Variants in ASB8 observed in about 807,000 individuals in gnomAD.
ASB8 encodes the protein ankyrin repeat and SOCS box protein 8.
A neutral mutation model predicts 22.9 loss-of-function variants in ASB8; 15 were observed. The ratio of observed to expected loss-of-function variants is 0.66; its 90% CI spans 0.44 to 1.01. The LOEUF is 1.01. ASB8 is among the 50% of genes least tolerant of loss of function. The pLI, the probability that ASB8 is intolerant of heterozygous loss-of-function variation, is 0.00. For missense variants in ASB8, 294 were observed against 356.9 expected, an observed-to-expected ratio of 0.82 and a Z score of 1.42; for synonymous variants, 124 against 140.8, an observed-to-expected ratio of 0.88 and a Z score of 0.84.
chr12:48,151,157 C>T (rs1197948691), intron 3 of ASB8, 44 bp downstream of exon 3: 2 of 1,477,956 alleles, frequency 1.4e-6, no homozygotes, highest in Non-Finnish European at 1.9e-6. Context: ...ACATGAAGCT[C>T]AAGTTTTAGT....
At chr12:48,153,790 C>G (rs897538174) in intron 1 of ASB8, 1 of 226,034 alleles carries the variant, frequency 4.4e-6, no homozygotes, top group Non-Finnish European at 8.8e-6. Flanking sequence ...GTGTGGTTTA[C>G]AAACGACTAG....
In ASB8 at chr12:48,149,936, A is replaced by G. The variant is rs758238691; in HGVS notation, c.297T>C (p.Ala99=). The change falls in exon 4 of 4, where the codon GCT becomes GCC. Residue 99 remains alanine (A), a synonymous_variant. Coordinates refer to ENST00000317697, the MANE Select transcript of ASB8 (RefSeq NM_024095.5). ...ALHYAAEKDE[A]CVEVLLEYGA... ...CATACTCCAATAGGACCTCCACACA[A>G]GCCTCATCTTTCTCTGCTGCATAGT... 1 of 1,614,080 alleles carries G rather than the reference A, an allele frequency of 6.2e-7. No homozygotes were observed. The highest frequency in any genetic ancestry group is 1.3e-5 in the African/African-American group (1 of 75,034).
rs376414157 is a variant in ASB8 at position 48,153,396 on chromosome 12, T to C, written c.101A>G (p.His34Arg). 3.1e-6 allele frequency: 5 copies of C among 1,613,854 alleles called. No individual in the cohort carries two copies. The African/African-American group carries it at 4.0e-5, about 13-fold the overall frequency. ...TCTGATGAGGTCCTCTACATTATCATGTGGGAAGGAACGGATGGCAGCAAT... is the reference window on the plus strand; with the variant it reads ...TCTGATGAGGTCCTCTACATTATCACGTGGGAAGGAACGGATGGCAGCAAT... ...RTIAAIRSFP[H>R]DNVEDLIRGG... is the part of the protein sequence containing the mutation. The change falls in exon 2 of 4, where the codon CAT becomes CGT. Residue 34 changes from histidine (H) to arginine (R), a missense_variant. By Grantham distance (29) the His-to-Arg change is conservative. Transcript: ENST00000317697.
chr12:48,156,219 G>A lies in ASB8; in HGVS notation c.-34+1240C>T, dbSNP rs577188483. On this transcript the variant is annotated intron_variant, in intron 1 of 3. Coordinates refer to ENST00000317697, the MANE Select transcript of ASB8 (RefSeq NM_024095.5). Reference sequence around the variant, plus strand: ...GCAAGTAAAAATATTCATATGTATCGATAATTCAAATTAGGTATTTTTCTC... The same window carrying A: ...GCAAGTAAAAATATTCATATGTATCAATAATTCAAATTAGGTATTTTTCTC... Among the ~76,000 whole-genome samples the A allele has an allele frequency of 2.6e-5, 4 of 152,108 alleles. No individual in the cohort carries two copies. The South Asian group carries it at 6.2e-4, about 24-fold the overall frequency.
chr12:48,150,021 A>C (rs773583597), intron 3 of ASB8, 23 bp from the exon 4 acceptor site: 2 of 1,603,344 alleles, frequency 1.2e-6, no homozygotes, highest in Non-Finnish European at 1.7e-6. Context: ...AGGAACTATT[A>C]CAGTAGACAG....
At chr12:48,154,480 C>CA (rs11384481) in intron 1 of ASB8, among the ~76,000 whole-genome samples, 33,599 of 73,534 alleles carry the variant, frequency 0.46, 8,485 homozygotes, top group Non-Finnish European at 0.52. Context: ...GACTCTATCT[C>CA]AAAAAAAAAA....
chr12:48,151,497 A>G (rs1019633136), intron 2 of ASB8, 192 bp from the exon 3 acceptor site: 3 of 1,204,656 alleles, frequency 2.5e-6, no homozygotes, highest in African/African-American at 3.1e-5. Context: ...AAGATGAAGG[A>G]AAGGAACTGT....
chr12:48,152,964 A>G lies in ASB8; in HGVS notation c.129+404T>C, dbSNP rs572268434. The G allele has an allele frequency of 2.4e-5, 4 of 169,840 alleles. No individual in the cohort carries two copies. The East Asian group carries it at 6.6e-4, about 28-fold the overall frequency. The allele number at this position is 169,840 out of a possible 1,614,324, so 10.5% of individuals were successfully genotyped here. On this transcript the variant is annotated intron_variant, in intron 2 of 3. Coordinates refer to ENST00000317697, the MANE Select transcript of ASB8 (RefSeq NM_024095.5). ...GGCTGCAGTAAGCCATGTTTGTGCC[A>G]CTGCACTCCAGCCTGGGTGACAAAA... is the stretch of plus-strand genomic sequence containing the variant.
At chr12:48,155,034 T>A (rs1285961864) in intron 1 of ASB8, among the ~76,000 whole-genome samples, 1 of 152,178 alleles carries the variant, frequency 6.6e-6, no homozygotes, top group African/African-American at 2.4e-5. Context: ...GAAACCACAA[T>A]AGGACAGAGT....
chr12:48,154,985 T>C (rs1224323104), intron 1 of ASB8, among the ~76,000 whole-genome samples: 1 of 152,160 alleles, frequency 6.6e-6, no homozygotes, highest in African/African-American at 2.4e-5. Context: ...AATTGGCTAT[T>C]CATGGCAACT....
At chr12:48,155,736 A>ATATATAT (rs1555211480) in intron 1 of ASB8, among the ~76,000 whole-genome samples, 1 of 120,764 alleles carries the variant, frequency 8.3e-6, no homozygotes, top group African/African-American at 3.1e-5. Flanking sequence ...TCTCAAAAAA[A>ATATATAT]AAAAAAATAT....
rs778452472 is a variant in ASB8, at chr12:48,150,008, GGGA to G, written c.235-13_235-11del. 2.5e-6 allele frequency: 4 copies of G among 1,609,768 alleles called. No homozygotes were observed. Among genetic ancestry groups the G allele is most frequent in the Non-Finnish European group, 3.4e-6 (4 of 1,176,286 alleles). ...CATCCAGGGCATTCACCTGTAAAAA[GGGA>G]GGAACTATTACAGTAGACAGACTAC... On this transcript the variant is annotated splice_polypyrimidine_tract_variant and intron_variant, in intron 3 of 3. Coordinates refer to ENST00000317697, the MANE Select transcript of ASB8 (RefSeq NM_024095.5).
In ASB8 at chr12:48,148,658, G is replaced by GTTTTTTTTTTTTTTTTTTTTTTT. The variant is rs34031535; in HGVS notation, c.*685_*707dup. On this transcript the variant is annotated 3_prime_UTR_variant, in exon 4 of 4. Coordinates refer to ENST00000317697, the MANE Select transcript of ASB8 (RefSeq NM_024095.5). ...GTTTTTTCACAGATCAATTAAAATG[G>GTTTTTTTTTTTTTTTTTTTTTTT]TTTTTTTTTTTTTTTTTTTTTTTTG... 1 of 62,756 alleles carries GTTTTTTTTTTTTTTTTTTTTTTT rather than the reference G, an allele frequency of 1.6e-5. No individual in the cohort carries two copies. Among genetic ancestry groups the GTTTTTTTTTTTTTTTTTTTTTTT allele is most frequent in the African/African-American group, 6.5e-5 (1 of 15,466 alleles). 3.9% of individuals were successfully genotyped at this position (62,756 alleles called of 1,614,324 possible).
intron 3 of ASB8, chr12:48,150,807 A>G (rs1359308080): frequency 3.9e-6 from 1 of 258,578 alleles, no homozygotes; most frequent in East Asian, 7.5e-5. Context: ...TTTAGATTTA[A>G]TCAGAGTTGA....
At chr12:48,157,383 T>G (rs1229405558) in intron 1 of ASB8, 76 bp downstream of exon 1, 1 of 151,674 alleles carries the variant, frequency 6.6e-6, no homozygotes, top group Non-Finnish European at 1.5e-5. Context: ...GACCAGGGAG[T>G]AGAGGAAGCG....
At position 48,148,961 on chromosome 12, in the gene ASB8, G is replaced by A; in HGVS notation, c.*405C>T. On this transcript the variant is annotated 3_prime_UTR_variant, in exon 4 of 4. Transcript: ENST00000317697. ...TTACAGACGTGAGCCACCATGGCTG[G>A]CCTAAAATGCTTTCTAGAAGGGATT... 1 of 183,668 alleles carries A rather than the reference G, an allele frequency of 5.4e-6. No homozygotes were observed. The highest frequency in any genetic ancestry group is 1.2e-5 in the Non-Finnish European group (1 of 86,730). The allele number at this position is 183,668 out of a possible 1,614,324, so 11.4% of individuals were successfully genotyped here.
chr12:48,149,807 G>C lies in ASB8; in HGVS notation c.426C>G (p.Ala142=). 6.2e-7 allele frequency: 1 copy of C among 1,614,106 alleles called. No individual in the cohort carries two copies. The highest frequency in any genetic ancestry group is 8.5e-7 in the Non-Finnish European group (1 of 1,179,958). ...ECVRALLESG[A]SVNALDYNND... ...TGTTGTAATCCAGGGCATTGACAGA[G>C]GCCCCGCTCTCTAGGAGAGCCCGCA... The change falls in exon 4 of 4, where the codon GCC becomes GCG. Residue 142 remains alanine, a synonymous_variant. Coordinates refer to ENST00000317697, the MANE Select transcript of ASB8 (RefSeq NM_024095.5).
chr12:48,155,780 A>ATTTT (rs537950041), intron 1 of ASB8, among the ~76,000 whole-genome samples: 3 of 117,992 alleles, frequency 2.5e-5, no homozygotes, highest in Admixed American at 9.1e-5. Context: ...CTTTTGCTTT[A>ATTTT]TTTTTTTTTT....
intron 1 of ASB8, among the ~76,000 whole-genome samples, chr12:48,156,889 A>G (rs955866829): frequency 7.3e-5 from 11 of 151,218 alleles, no homozygotes; most frequent in Non-Finnish European, 1.5e-4. Context: ...TCCCCTTGGA[A>G]GGCCCTTTCC....
Sources: gnomAD v4.1 joint callset for allele counts (sites outside exome capture counted in the v4.1 genomes callset) on GRCh38, gnomAD v4.1.1 for gene constraint, MANE v1.5 for transcripts, NCBI Gene and HGNC (gene_info 2026-07-23, HGNC 2026-07-21) for gene names.